Variants in RIT2 observed in about 807,000 individuals in gnomAD.
RIT2 encodes GTP-binding protein Rit2.
Under a neutral mutation model 23.7 loss-of-function variants are expected in RIT2, and 24 were observed. The ratio of observed to expected loss-of-function variants is 1.01; its 90% confidence interval spans 0.73 to 1.43. RIT2 has a LOEUF of 1.43. Ranked by LOEUF, RIT2 falls within the 40% of genes most tolerant of loss-of-function variation. The pLI is 0.00. For missense variants in RIT2, 236 were observed against 266.9 expected, an observed-to-expected ratio of 0.88 and a Z score of 0.81; for synonymous variants, 107 against 91.1, an observed-to-expected ratio of 1.17 and a Z score of -0.99.
At chr18:43,046,281 GAC>G (rs768097638) in intron 1 of RIT2, among the ~76,000 whole-genome samples, 8 of 152,182 alleles carry the variant, frequency 5.3e-5, no homozygotes, top group Non-Finnish European at 8.8e-5. Context: ...ATAATTATCT[GAC>G]ACAACATAAA....
chr18:42,855,387 T>C (rs1166805714), intron 4 of RIT2, among the ~76,000 whole-genome samples: 1 of 152,186 alleles, frequency 6.6e-6, no homozygotes, highest in Non-Finnish European at 1.5e-5. Flanking sequence ...GGAAGAATAG[T>C]CATTCAAGAT....
chr18:42,780,116 G>A (rs1258093260), intron 4 of RIT2, among the ~76,000 whole-genome samples: 1 of 129,580 alleles, frequency 7.7e-6, no homozygotes, highest in African/African-American at 2.8e-5. Context: ...GCCTCAAGGG[G>A]TCCTGAGGAC....
chr18:43,039,213 T>C (rs1912066596), intron 1 of RIT2, among the ~76,000 whole-genome samples: 1 of 152,166 alleles, frequency 6.6e-6, no homozygotes, highest in African/African-American at 2.4e-5. Context: ...AAAAGATGAT[T>C]TTACCAATAT....
chr18:43,048,496 AT>A (rs2144305628), intron 1 of RIT2, among the ~76,000 whole-genome samples: 2 of 152,292 alleles, frequency 1.3e-5, no homozygotes, highest in South Asian at 4.1e-4. Flanking sequence ...TTATTAAGCA[AT>A]TAGTTCTCTT....
chr18:43,025,477 A>G (rs2144271017), intron 2 of RIT2, among the ~76,000 whole-genome samples: 1 of 152,168 alleles, frequency 6.6e-6, no homozygotes, highest in East Asian at 1.9e-4. Context: ...AGGTACCTAC[A>G]CCTGTATGTT....
chr18:42,816,036 C>T (rs79138925), intron 4 of RIT2, among the ~76,000 whole-genome samples: 5,424 of 152,092 alleles, frequency 0.036, 316 homozygotes, highest in East Asian at 0.24. Context: ...TTTCCAAGAA[C>T]CGCCTCAACT....
intron 3 of RIT2, among the ~76,000 whole-genome samples, chr18:42,950,862 C>G (rs1889233258): frequency 6.7e-6 from 1 of 149,678 alleles, no homozygotes; most frequent in Admixed American, 6.7e-5. Context: ...AATGAGATAC[C>G]ATCTCACACC....
intron 1 of RIT2, among the ~76,000 whole-genome samples, chr18:43,096,837 T>C (rs1027284368): frequency 1.7e-4 from 26 of 151,828 alleles, no homozygotes; most frequent in Admixed American, 4.6e-4. Flanking sequence ...ACATGATTGA[T>C]AAAATCATTT....
At chr18:43,050,130 G>T (rs867737900) in intron 1 of RIT2, among the ~76,000 whole-genome samples, 32 of 151,204 alleles carry the variant, frequency 2.1e-4, no homozygotes, top group African/African-American at 7.1e-4. Context: ...TAAGTTAAGT[G>T]ATTCTCCCAC....
At chr18:42,785,899 T>C (rs1023698991) in intron 4 of RIT2, among the ~76,000 whole-genome samples, 2 of 152,208 alleles carry the variant, frequency 1.3e-5, no homozygotes, top group African/African-American at 2.4e-5. Context: ...CATGAATCTG[T>C]ACACAGTTTA....
At chr18:42,744,605 A>G (rs538859664) in intron 4 of RIT2, among the ~76,000 whole-genome samples, 2 of 152,180 alleles carry the variant, frequency 1.3e-5, no homozygotes, top group East Asian at 3.9e-4. Flanking sequence ...TCAACATAAG[A>G]TATTAATACC....
intron 4 of RIT2, among the ~76,000 whole-genome samples, chr18:42,835,712 A>T (rs1001264662): frequency 6.6e-6 from 1 of 152,174 alleles, no homozygotes; most frequent in African/African-American, 2.4e-5. Context: ...GGCACCAGAT[A>T]CTTTCAGAAT....
intron 4 of RIT2, among the ~76,000 whole-genome samples, chr18:42,862,248 G>A (rs1216979748): frequency 6.6e-6 from 1 of 151,912 alleles, no homozygotes; most frequent in Non-Finnish European, 1.5e-5. Context: ...GTTTAAAAGT[G>A]GCACTTCTCC....
chr18:42,881,893 C>T (rs947165471), intron 4 of RIT2, among the ~76,000 whole-genome samples: 7 of 152,188 alleles, frequency 4.6e-5, no homozygotes, highest in African/African-American at 1.7e-4. Context: ...TAATGAATGC[C>T]TGTGTTACAT....
intron 2 of RIT2, among the ~76,000 whole-genome samples, chr18:43,017,493 G>A (rs1242339789): frequency 6.6e-6 from 1 of 151,920 alleles, no homozygotes; most frequent in African/African-American, 2.4e-5. Context: ...ATTTTAATTA[G>A]CTTCTGAATT....
intron 2 of RIT2, among the ~76,000 whole-genome samples, chr18:43,028,805 C>T (rs975440054): frequency 3.9e-5 from 6 of 151,900 alleles, no homozygotes; most frequent in African/African-American, 1.4e-4. Flanking sequence ...TTAACTCTCC[C>T]CCGAGCATTT....
At chr18:42,759,574 G>A (rs557098276) in intron 4 of RIT2, among the ~76,000 whole-genome samples, 1 of 152,000 alleles carries the variant, frequency 6.6e-6, no homozygotes, top group Non-Finnish European at 1.5e-5. Flanking sequence ...GTTTAGGAAA[G>A]AGACTTCCTG....
intron 4 of RIT2, among the ~76,000 whole-genome samples, chr18:42,870,810 A>G (rs1207534397): frequency 6.6e-6 from 1 of 152,192 alleles, no homozygotes; most frequent in Non-Finnish European, 1.5e-5. Flanking sequence ...TCAGAATAGA[A>G]GTTTAGCCTT....
intron 2 of RIT2, among the ~76,000 whole-genome samples, chr18:43,003,633 G>A (rs1028069391): frequency 4.0e-5 from 6 of 151,760 alleles, no homozygotes; most frequent in South Asian, 2.1e-4. Context: ...AAGAAGCTAC[G>A]ATTCTTCGAT....
Sources: allele counts gnomAD v4.1 joint callset (sites outside exome capture counted in the v4.1 genomes callset), GRCh38; gene constraint gnomAD v4.1.1; transcripts MANE v1.5; gene names NCBI Gene and HGNC (gene_info 2026-07-23, HGNC 2026-07-21).